CSMD3: variants seen among roughly 807,000 people sequenced by gnomAD.
CSMD3 encodes CUB and Sushi multiple domains 3.
Under a neutral mutation model 435.2 loss-of-function variants are expected in CSMD3, and 177 were observed. The ratio of observed to expected loss-of-function variants is 0.41; its 90% CI spans 0.36 to 0.46. The LOEUF is 0.46. CSMD3 is among the 20% of genes least tolerant of loss of function. The probability of loss-of-function intolerance (pLI) is 0.34; values close to 1 mark genes in which losing one functional copy is unlikely to be tolerated. For synonymous variants in CSMD3, 1,656 were observed against 1,520.5 expected (o/e 1.09, Z -2.07); for missense variants, 4,265 against 4,504.6 (o/e 0.95, Z 1.52).
intron 31 of CSMD3, among the ~76,000 whole-genome samples, chr8:112,485,265 A>T (rs946483398): frequency 6.6e-6 from 1 of 152,112 alleles, no homozygotes; most frequent in Non-Finnish European, 1.5e-5. Flanking sequence ...CTCTATTGAA[A>T]ACCTTTCCAA....
chr8:112,277,488 A>C (rs1435124063), intron 59 of CSMD3, among the ~76,000 whole-genome samples: 1 of 152,174 alleles, frequency 6.6e-6, no homozygotes, highest in Non-Finnish European at 1.5e-5. Context: ...GTCTCTAGGA[A>C]GTTCCAAACT....
At chr8:112,959,868 A>G (rs971698562) in intron 7 of CSMD3, among the ~76,000 whole-genome samples, 1 of 151,898 alleles carries the variant, frequency 6.6e-6, no homozygotes, top group African/African-American at 2.4e-5. Context: ...TAATATTAAA[A>G]CAGAGTGTGT....
intron 54 of CSMD3, among the ~76,000 whole-genome samples, chr8:112,295,215 C>G (rs922214891): frequency 4.6e-5 from 7 of 152,034 alleles, no homozygotes; most frequent in Admixed American, 1.3e-4. Context: ...TAAAAGATGA[C>G]ATAATGATAA....
chr8:112,693,900 C>G (rs2076194131), intron 13 of CSMD3, among the ~76,000 whole-genome samples: 1 of 151,482 alleles, frequency 6.6e-6, no homozygotes, highest in Non-Finnish European at 1.5e-5. Context: ...TACACATATA[C>G]ACACACATTT....
intron 32 of CSMD3, among the ~76,000 whole-genome samples, chr8:112,430,778 G>A (rs1586299153): frequency 6.6e-6 from 1 of 152,002 alleles, no homozygotes; most frequent in African/African-American, 2.4e-5. Flanking sequence ...GAGATTGATG[G>A]TGCGGACTAT....
rs1829375624 is a variant in CSMD3 at position 112,380,517 on chromosome 8, A to G, written c.6032-61T>C. On this transcript the variant is annotated intron_variant, in intron 37 of 70. Transcript: ENST00000297405. ...CATAATAAGTACTATAATAAAATTAAGTAAGTTTACTAATCAGCCAATAGA... is the reference window on the plus strand; with the variant it reads ...CATAATAAGTACTATAATAAAATTAGGTAAGTTTACTAATCAGCCAATAGA... 3.4e-6 allele frequency: 3 copies of G among 894,822 alleles called. No individual in the cohort carries two copies. In the South Asian group the frequency reaches 4.0e-5, roughly 12 times the overall value. 55.4% of individuals were successfully genotyped at this position (894,822 alleles called of 1,614,324 possible).
chr8:112,593,142 A>G (rs539232985), intron 22 of CSMD3, among the ~76,000 whole-genome samples: 1 of 152,344 alleles, frequency 6.6e-6, no homozygotes. Context: ...TAGAAGAACC[A>G]GTGATTCATA....
chr8:112,421,484 T>C (rs943139730), intron 32 of CSMD3, among the ~76,000 whole-genome samples: 12 of 150,998 alleles, frequency 7.9e-5, no homozygotes, highest in African/African-American at 2.9e-4. Context: ...CCACAGGTTG[T>C]AGTGAGCCAA....
At chr8:112,539,785 A>C (rs1278475287) in intron 27 of CSMD3, among the ~76,000 whole-genome samples, 1 of 152,128 alleles carries the variant, frequency 6.6e-6, no homozygotes, top group Non-Finnish European at 1.5e-5. Flanking sequence ...TAAGTCCTTA[A>C]TCTATGAAAC....
intron 13 of CSMD3, among the ~76,000 whole-genome samples, chr8:112,691,786 TTTTG>T (rs1225526777): frequency 6.6e-6 from 1 of 151,990 alleles, no homozygotes; most frequent in Non-Finnish European, 1.5e-5. Context: ...TAAATTGTTT[TTTTG>T]TTTGTTTGTT....
intron 3 of CSMD3, among the ~76,000 whole-genome samples, chr8:113,203,504 T>C (rs2132040157): frequency 6.6e-6 from 1 of 152,010 alleles, no homozygotes; most frequent in African/African-American, 2.4e-5. Context: ...ATTCCTGGGC[T>C]CAAGTGATCT....
Position 112,685,519 on chromosome 8 carries a change from G to T in CSMD3, c.2369C>A (p.Thr790Asn). 1 of 1,614,008 alleles carries T rather than the reference G, an allele frequency of 6.2e-7. No homozygotes were observed. The highest frequency in any genetic ancestry group is 8.5e-7 in the Non-Finnish European group (1 of 1,179,936). Residue 790 changes from threonine to asparagine, a missense_variant, in exon 15 of 71, where the codon ACC (threonine) becomes AAC (asparagine). By Grantham distance (65) the Thr-to-Asn change is moderately conservative. Transcript: ENST00000297405. ...GDSPESPILG[T>N]FTGAEVPSHL... Reference sequence around the variant, plus strand: ...GGAAGGCACCTCAGCCCCAGTAAAGGTTCCAAGAATTGGGGATTCTGGAGA... The same window carrying T: ...GGAAGGCACCTCAGCCCCAGTAAAGTTTCCAAGAATTGGGGATTCTGGAGA...
rs141978815 is a variant in CSMD3, at chr8:112,291,226, G to A, written c.8974+284C>T. On this transcript the variant is annotated intron_variant, in intron 56 of 70. Coordinates refer to ENST00000297405, the MANE Select transcript of CSMD3 (RefSeq NM_198123.2). ...AAAAGTGTAGTTGCCTCTTACAGACGATAATATTGTAAAGTAGGAAATATG... is the reference window on the plus strand; with the variant it reads ...AAAAGTGTAGTTGCCTCTTACAGACAATAATATTGTAAAGTAGGAAATATG... Among the ~76,000 whole-genome samples, 227 of 151,818 alleles carry A rather than the reference G, an allele frequency of 1.5e-3. 1 individual carries two copies. The highest frequency in any genetic ancestry group is 5.3e-3 in the African/African-American group (221 of 41,472).
chr8:112,640,950 T>C (rs532929031), intron 20 of CSMD3, among the ~76,000 whole-genome samples: 4 of 152,188 alleles, frequency 2.6e-5, no homozygotes, highest in Non-Finnish European at 5.9e-5. Context: ...CTGAAATACA[T>C]AGAATGAATT....
intron 3 of CSMD3, among the ~76,000 whole-genome samples, chr8:113,258,009 G>T (rs940517234): frequency 6.6e-6 from 1 of 152,178 alleles, no homozygotes; most frequent in Non-Finnish European, 1.5e-5. Flanking sequence ...TGCACAATTT[G>T]TTCTTTTGAC....
At chr8:112,877,736 C>G (rs1212046613) in intron 10 of CSMD3, among the ~76,000 whole-genome samples, 3 of 152,126 alleles carry the variant, frequency 2.0e-5, no homozygotes, top group Non-Finnish European at 4.4e-5. Flanking sequence ...ACCAATGGAA[C>G]AGAACAGAGT....
At chr8:112,894,996 G>A (rs970701257) in intron 10 of CSMD3, among the ~76,000 whole-genome samples, 1 of 151,384 alleles carries the variant, frequency 6.6e-6, no homozygotes, top group Admixed American at 6.6e-5. Context: ...AAGGCTCATG[G>A]ATGAGAGTTT....
chr8:113,018,333 C>T (rs945065689), intron 6 of CSMD3, among the ~76,000 whole-genome samples: 1 of 151,698 alleles, frequency 6.6e-6, no homozygotes, highest in African/African-American at 2.4e-5. Flanking sequence ...GTGCTTAGGA[C>T]TGAAGACTAC....
At chr8:112,387,417 A>G (rs1356200246) in intron 36 of CSMD3, among the ~76,000 whole-genome samples, 1 of 151,730 alleles carries the variant, frequency 6.6e-6, no homozygotes, top group East Asian at 1.9e-4. Context: ...TAGTAGCCAG[A>G]TAGCTTTTAG....
Sources: gnomAD v4.1 joint callset for allele counts (sites outside exome capture counted in the v4.1 genomes callset) on GRCh38, gnomAD v4.1.1 for gene constraint, MANE v1.5 for transcripts, NCBI Gene and HGNC (gene_info 2026-07-23, HGNC 2026-07-21) for gene names.